BPIFB1: variants seen among roughly 807,000 people sequenced by gnomAD.
BPIFB1 encodes BPI fold containing family B member 1.
Under a neutral mutation model 55.1 loss-of-function variants are expected in BPIFB1, and 34 were observed. That is an observed-to-expected ratio of 0.62 (90% confidence interval 0.47 to 0.82). The LOEUF is 0.82. Ranked by LOEUF, BPIFB1 falls within the 40% of genes least tolerant of loss-of-function variation. BPIFB1 has a pLI of 0.00. For synonymous variants in BPIFB1, 236 were observed against 245.3 expected, an observed-to-expected ratio of 0.96 and a Z score of 0.35; for missense variants, 532 against 593.1, an observed-to-expected ratio of 0.90 and a Z score of 1.07.
intron 6 of BPIFB1, among the ~76,000 whole-genome samples, chr20:33,292,845 GCCA>G (rs1980518030): frequency 6.6e-6 from 1 of 152,222 alleles, no homozygotes; most frequent in South Asian, 2.1e-4. Context: ...GTAACAATGG[GCCA>G]CCCGATCTAG....
chr20:33,297,673 C>G (rs765979952), intron 7 of BPIFB1, 85 bp downstream of exon 7: 2 of 1,399,822 alleles, frequency 1.4e-6, no homozygotes, highest in South Asian at 2.3e-5. Context: ...AAGGCCTCCC[C>G]AAGTCAGGCC....
intron 14 of BPIFB1, chr20:33,306,623 T>C (rs1473846691): frequency 2.3e-6 from 1 of 435,716 alleles, no homozygotes; most frequent in Non-Finnish European, 4.2e-6. Flanking sequence ...TCTCAAAGTA[T>C]AGAAACCTCT....
chr20:33,298,623 T>TCCAAGTTCATCCTTCATCCAAG (rs1275725344), intron 7 of BPIFB1: 1 of 153,964 alleles, frequency 6.5e-6, no homozygotes, highest in South Asian at 2.0e-4. Context: ...CCCTTCACTG[T>TCCAAGTTCATCCTTCATCCAAG]GATGAAAGAG....
intron 7 of BPIFB1, among the ~76,000 whole-genome samples, 175 bp from the exon 8 acceptor site, chr20:33,299,724 C>T (rs550787730): frequency 2.6e-5 from 4 of 152,232 alleles, no homozygotes; most frequent in East Asian, 1.9e-4. Context: ...AGTGGATGCT[C>T]GATAAATGTC....
rs578160023 is a variant in BPIFB1 at position 33,300,934 on chromosome 20, C to A, written c.748-299C>A. ...CCTTTGGAAAACTGCAGCATCAAAT[C>A]GTTTCTTCCATTTTGTTGTAGTTTT... On this transcript the variant is annotated intron_variant, in intron 8 of 15. Transcript: ENST00000253354. Among the ~76,000 whole-genome samples the A allele has an allele frequency of 3.9e-5, 6 of 152,238 alleles. No homozygotes were observed. The East Asian group carries it at 1.2e-3, about 29-fold the overall frequency.
chr20:33,297,469 T>C (rs752338643), intron 6 of BPIFB1, 56 bp from the exon 7 acceptor site: 16 of 1,588,666 alleles, frequency 1.0e-5, no homozygotes, highest in Admixed American at 1.7e-5. Context: ...CCGGGGCTGC[T>C]GTGGGGCTGC....
At chr20:33,286,929 G>C (rs1185942571) in intron 2 of BPIFB1, among the ~76,000 whole-genome samples, 1 of 152,210 alleles carries the variant, frequency 6.6e-6, no homozygotes, top group African/African-American at 2.4e-5. Flanking sequence ...CCTTAGAGGG[G>C]ACTCACCTGT....
rs141133504 is a variant in BPIFB1 at position 33,290,937 on chromosome 20, C to A, written c.366-20C>A. The A allele has an allele frequency of 1.2e-6, 2 of 1,612,128 alleles. No individual in the cohort carries two copies. The highest frequency in any genetic ancestry group is 1.7e-6 in the Non-Finnish European group (2 of 1,179,396). ...CGAGCTTGCCTGGTGCTCACATGGT[C>A]AGGTGCCTCCACCCGCTAGGCCCCT... On this transcript the variant is annotated intron_variant, in intron 4 of 15. Transcript: ENST00000253354.
intron 7 of BPIFB1, chr20:33,299,146 G>A (rs767988774): frequency 3.1e-5 from 14 of 456,610 alleles, no homozygotes; most frequent in Non-Finnish European, 6.2e-5. Context: ...GAAGAGACCA[G>A]CCAAGGTCAC....
In BPIFB1 at chr20:33,303,015, A is replaced by G. The variant is rs1270718080; in HGVS notation, c.1081A>G (p.Ile361Val). 5 of 1,614,066 alleles carry G rather than the reference A, an allele frequency of 3.1e-6. No homozygotes were observed. Among genetic ancestry groups the G allele is most frequent in the Non-Finnish European group, 4.2e-6 (5 of 1,179,992 alleles). ...DQGHAKVAQL[I>V]VLEVFPSSEA... ...AGGCCATGCCAAGGTGGCCCAACTG[A>G]TCGTGCTGGAAGTGTTTCCCTCCAG... Residue 361 changes from isoleucine (I) to valine (V), a missense_variant, in exon 11 of 16, where the codon ATC (isoleucine) becomes GTC (valine). Ile to Val is a conservative substitution (Grantham distance 29). Transcript: ENST00000253354.
chr20:33,299,268 C>T (rs1263758459), intron 7 of BPIFB1: 1 of 432,240 alleles, frequency 2.3e-6, no homozygotes, highest in Non-Finnish European at 4.8e-6. Context: ...TCCCCATCCT[C>T]GGCCATACAC....
At chr20:33,306,614 C>G (rs138635931) in intron 14 of BPIFB1, 3 of 396,102 alleles carry the variant, frequency 7.6e-6, no homozygotes, top group Middle Eastern at 1.4e-3. Context: ...CTGGAAAAAT[C>G]TCAAAGTATA....
intron 3 of BPIFB1, among the ~76,000 whole-genome samples, chr20:33,289,632 G>C (rs1269355583): frequency 6.6e-6 from 1 of 152,208 alleles, no homozygotes; most frequent in Non-Finnish European, 1.5e-5. Flanking sequence ...AGCAGGGTCA[G>C]GTCACAGAGG....
chr20:33,295,627 G>GAAGAAAGAAAGAGAGAAGAAGA (rs1393651942), intron 6 of BPIFB1, among the ~76,000 whole-genome samples: 61 of 130,490 alleles, frequency 4.7e-4, no homozygotes, highest in African/African-American at 2.4e-3. Context: ...AGACTCGAAA[G>GAAGAAAGAAAGAGAGAAGAAGA]AAGAAAGAAA....
intron 5 of BPIFB1, 135 bp downstream of exon 5, chr20:33,291,241 A>G: frequency 1.7e-6 from 2 of 1,168,836 alleles, no homozygotes; most frequent in Non-Finnish European, 1.2e-6. Context: ...CTGATTCCTG[A>G]TCTGGGGCTC....
chr20:33,295,214 CAAA>C (rs59451968), intron 6 of BPIFB1, among the ~76,000 whole-genome samples: 1 of 119,988 alleles, frequency 8.3e-6, no homozygotes. Flanking sequence ...AACTCTATCT[CAAA>C]AAAAAAAAAA....
At chr20:33,286,412 G>A (rs1980268010) in intron 2 of BPIFB1, among the ~76,000 whole-genome samples, 1 of 152,222 alleles carries the variant, frequency 6.6e-6, no homozygotes, top group Admixed American at 6.5e-5. Context: ...CAAAGACCCT[G>A]AGTTTCCACA....
At chr20:33,295,944 AAGAG>A (rs1179806819) in intron 6 of BPIFB1, among the ~76,000 whole-genome samples, 3 of 131,484 alleles carry the variant, frequency 2.3e-5, no homozygotes, top group Non-Finnish European at 4.9e-5. Context: ...AGGACGGAAA[AAGAG>A]AGAGAGGGAG....
At chr20:33,283,923 G>A (rs1326583221) in intron 1 of BPIFB1, among the ~76,000 whole-genome samples, 2 of 152,168 alleles carry the variant, frequency 1.3e-5, no homozygotes, top group Non-Finnish European at 2.9e-5. Flanking sequence ...AGTGTGTACA[G>A]ATAATGCAGG....
Sources: gnomAD v4.1 joint callset for allele counts (sites outside exome capture counted in the v4.1 genomes callset) on GRCh38, gnomAD v4.1.1 for gene constraint, MANE v1.5 for transcripts, NCBI Gene and HGNC (gene_info 2026-07-23, HGNC 2026-07-21) for gene names.